The following KLHDC2 variants were observed in gnomAD, a reference collection of about 807,000 sequenced individuals.
The protein encoded by KLHDC2 is kelch domain containing 2.
KLHDC2 carries 38 observed loss-of-function variants against 62.3 expected under a neutral mutation model. The observed-to-expected ratio is 0.61, with a 90% CI of 0.47 to 0.80. The LOEUF (loss-of-function observed/expected upper bound fraction) is 0.80. KLHDC2 is among the 30% of genes least tolerant of loss of function. KLHDC2 has a pLI of 0.00. For synonymous variants in KLHDC2, 159 were observed against 161.0 expected, an observed-to-expected ratio of 0.99 and a Z score of 0.09; for missense variants, 430 against 495.3, an observed-to-expected ratio of 0.87 and a Z score of 1.25.
chr14:49,774,520 C>T, intron 2 of KLHDC2, 41 bp from the exon 3 acceptor site: 1 of 1,228,362 alleles, frequency 8.1e-7, no homozygotes, highest in South Asian at 1.2e-5. Flanking sequence ...TTTTGCATTT[C>T]TTCCCTTTAA....
At chr14:49,779,965 T>A in intron 8 of KLHDC2, 159 bp downstream of exon 8, 1 of 640,944 alleles carries the variant, frequency 1.6e-6, no homozygotes, top group Non-Finnish European at 2.7e-6. Flanking sequence ...ATTTTTGTGT[T>A]TCCAGTTCCT....
At chr14:49,778,861 T>C (rs1201234988) in intron 6 of KLHDC2, among the ~76,000 whole-genome samples, 2 of 151,940 alleles carry the variant, frequency 1.3e-5, no homozygotes, top group Admixed American at 1.3e-4. Flanking sequence ...GTATCTGGGA[T>C]TACAGATGCC....
At position 49,771,620 on chromosome 14, in the gene KLHDC2, C is replaced by A; in HGVS notation, c.180C>A (p.Asp60Glu). ...GTAATCAAGTCAGAGGATTATATGA[C>A]TTTTATCTGCCTAGAGAAGAACTAT... The part of the protein sequence containing the change: ...YKSNQVRGLY[D>E]FYLPREELWI... Residue 60 changes from aspartate to glutamate, a missense_variant, in exon 2 of 13, where the codon GAC (aspartate) becomes GAA (glutamate). Transcript: ENST00000298307. The A allele has an allele frequency of 6.6e-7, 1 of 1,515,392 alleles. No homozygotes were observed. The highest frequency in any genetic ancestry group is 1.4e-5 in the African/African-American group (1 of 72,986). 93.9% of individuals were successfully genotyped at this position (1,515,392 alleles called of 1,614,324 possible). A position where few individuals can be genotyped will look rare whatever the true frequency, so the allele number is the denominator to read the frequency against.
chr14:49,778,881 GCC>G (rs1555343322), intron 6 of KLHDC2, among the ~76,000 whole-genome samples: 1 of 151,662 alleles, frequency 6.6e-6, no homozygotes, highest in Non-Finnish European at 1.5e-5. Context: ...CCGCAACCAC[GCC>G]CAGCTAATTT....
At chr14:49,779,270 A>T (rs1396397829) in intron 6 of KLHDC2, among the ~76,000 whole-genome samples, 1 of 152,170 alleles carries the variant, frequency 6.6e-6, no homozygotes, top group Non-Finnish European at 1.5e-5. Flanking sequence ...TAAATATTAG[A>T]TTTCTTTTCC....
chr14:49,768,758 C>G (rs907340963), intron 1 of KLHDC2, 137 bp downstream of exon 1: 27 of 774,466 alleles, frequency 3.5e-5, no homozygotes, highest in Non-Finnish European at 5.0e-5. Context: ...AGACTCTGCC[C>G]GTTGGTTGTT....
In KLHDC2 at chr14:49,768,407, C is replaced by A; in HGVS notation, c.-62C>A. On this transcript the variant is annotated 5_prime_UTR_variant, in exon 1 of 13. Coordinates refer to ENST00000298307, the MANE Select transcript of KLHDC2 (RefSeq NM_014315.3). The stretch of plus-strand genomic sequence containing the variant: ...GCCGCTGTGCATTTCTCTCCTTTTC[C>A]TTTGTTTTTTTGGCCCCTCGCGGGT... 1 of 1,560,300 alleles carries A rather than the reference C, an allele frequency of 6.4e-7. No individual in the cohort carries two copies. The highest frequency in any genetic ancestry group is 8.7e-7 in the Non-Finnish European group (1 of 1,150,824).
intron 10 of KLHDC2, among the ~76,000 whole-genome samples, chr14:49,781,407 G>C (rs1489218175): frequency 6.7e-6 from 1 of 149,850 alleles, no homozygotes; most frequent in Non-Finnish European, 1.5e-5. Flanking sequence ...TGCTGGAATG[G>C]GTAAAATGTT....
rs772521663 is a variant in KLHDC2, at chr14:49,780,201, T to C, written c.774-12T>C. 2 of 1,509,014 alleles carry C rather than the reference T, an allele frequency of 1.3e-6. No homozygotes were observed. Among genetic ancestry groups the C allele is most frequent in the South Asian group, 1.1e-5 (1 of 88,472 alleles). 93.5% of individuals were successfully genotyped at this position (1,509,014 alleles called of 1,614,324 possible). ...CTAAATGCAGATATTGTAACTTAGC[T>C]ATTATTTTCAGAATTCCACAAGGCA... is the stretch of plus-strand genomic sequence containing the variant. On this transcript the variant is annotated splice_polypyrimidine_tract_variant and intron_variant, in intron 8 of 12. Transcript: ENST00000298307.
chr14:49,778,156 G>A (rs1889811463), intron 4 of KLHDC2, 22 bp from the exon 5 acceptor site: 2 of 1,505,716 alleles, frequency 1.3e-6, no homozygotes, highest in Admixed American at 1.8e-5. Context: ...AATTTTTAGT[G>A]TCTTGGTTTT....
At chr14:49,770,829 TA>T (rs993178091) in intron 1 of KLHDC2, among the ~76,000 whole-genome samples, 22 of 152,242 alleles carry the variant, frequency 1.4e-4, no homozygotes, top group African/African-American at 5.3e-4. Context: ...AAATTCTGCA[TA>T]AGGATTTAAT....
chr14:49,771,469 T>C (rs754191784), intron 1 of KLHDC2, 125 bp from the exon 2 acceptor site: 12 of 559,734 alleles, frequency 2.1e-5, no homozygotes, highest in Middle Eastern at 5.0e-4. Context: ...TGGGGGAGGA[T>C]TGTGCACTGT....
At chr14:49,771,485 CT>C in intron 1 of KLHDC2, 108 bp from the exon 2 acceptor site, 1 of 612,774 alleles carries the variant, frequency 1.6e-6, no homozygotes, top group Non-Finnish European at 3.0e-6. Context: ...ACTGTAATAC[CT>C]ATTTTTCATA....
chr14:49,770,564 A>G (rs1313207598), intron 1 of KLHDC2, among the ~76,000 whole-genome samples: 1 of 152,230 alleles, frequency 6.6e-6, no homozygotes, highest in Non-Finnish European at 1.5e-5. Context: ...GGGAGGGTCA[A>G]AGGCTGGGAA....
In KLHDC2 at chr14:49,784,879, A is replaced by G. The variant is rs759753320; in HGVS notation, c.*1926A>G. On this transcript the variant is annotated 3_prime_UTR_variant, in exon 13 of 13. Coordinates refer to ENST00000298307, the MANE Select transcript of KLHDC2 (RefSeq NM_014315.3). ...TAACAAAAAACTGCTAACATTTTAAATTGTACTGTCAGTCTCCACATTCCT... is the reference window on the plus strand; with the variant it reads ...TAACAAAAAACTGCTAACATTTTAAGTTGTACTGTCAGTCTCCACATTCCT... The G allele has an allele frequency of 1.3e-6, 2 of 1,521,920 alleles. No individual in the cohort carries two copies. The highest frequency in any genetic ancestry group is 2.8e-5 in the African/African-American group (2 of 72,434). The allele number at this position is 1,521,920 out of a possible 1,614,324, so 94.3% of individuals were successfully genotyped here.
chr14:49,774,341 G>A (rs571557492), intron 2 of KLHDC2, among the ~76,000 whole-genome samples: 1 of 152,322 alleles, frequency 6.6e-6, no homozygotes, highest in South Asian at 2.1e-4. Context: ...TCTCATGCCT[G>A]TACACATGGG....
At chr14:49,781,012 G>A (rs770265148) in intron 10 of KLHDC2, among the ~76,000 whole-genome samples, 28 of 152,162 alleles carry the variant, frequency 1.8e-4, no homozygotes, top group Non-Finnish European at 2.8e-4. Flanking sequence ...TTATAAAATT[G>A]ACACATAGTT....
At chr14:49,777,467 T>C (rs558128798) in intron 3 of KLHDC2, among the ~76,000 whole-genome samples, 1 of 152,218 alleles carries the variant, frequency 6.6e-6, no homozygotes, top group South Asian at 2.1e-4. Context: ...TGGTGGTACA[T>C]GGCTGTAGTC....
At chr14:49,778,856 T>C (rs1375087637) in intron 6 of KLHDC2, among the ~76,000 whole-genome samples, 3 of 151,956 alleles carry the variant, frequency 2.0e-5, no homozygotes, top group Non-Finnish European at 4.4e-5. Context: ...CCTGAGTATC[T>C]GGGATTACAG....
Sources: allele counts gnomAD v4.1 joint callset (sites outside exome capture counted in the v4.1 genomes callset), GRCh38; gene constraint gnomAD v4.1.1; transcripts MANE v1.5; gene names NCBI Gene and HGNC (gene_info 2026-07-23, HGNC 2026-07-21).